Variants in IL1RAP observed in about 807,000 individuals in gnomAD.
IL1RAP encodes interleukin-1 receptor accessory protein.
In IL1RAP, 35 loss-of-function variants were observed where a neutral mutation model predicts 60.7. That is an observed-to-expected ratio of 0.58 (90% CI 0.44 to 0.76). The LOEUF is 0.76. Ranked by LOEUF, IL1RAP falls within the 30% of genes least tolerant of loss-of-function variation. The pLI is 0.00. For missense variants in IL1RAP, 572 were observed against 693.9 expected, an observed-to-expected ratio of 0.82 and a Z score of 1.97; for synonymous variants, 268 against 250.9, an observed-to-expected ratio of 1.07 and a Z score of -0.64.
At chr3:190,639,638 T>C (rs1733504437) in intron 9 of IL1RAP, among the ~76,000 whole-genome samples, 1 of 152,230 alleles carries the variant, frequency 6.6e-6, no homozygotes, top group Non-Finnish European at 1.5e-5. Flanking sequence ...TAATATAGAC[T>C]TTTTTGCTTT....
At chr3:190,543,826 G>A (rs935376725) in intron 1 of IL1RAP, among the ~76,000 whole-genome samples, 9 of 152,136 alleles carry the variant, frequency 5.9e-5, no homozygotes, top group African/African-American at 1.4e-4. Flanking sequence ...TGTCAGTGAC[G>A]GACATCAGGG....
chr3:190,582,219 A>G (rs149357612), intron 3 of IL1RAP, among the ~76,000 whole-genome samples: 34 of 151,664 alleles, frequency 2.2e-4, no homozygotes, highest in African/African-American at 7.7e-4. Context: ...TGATCAATCC[A>G]TCTTTGCTCA....
At chr3:190,552,754 T>C (rs951281091) in intron 1 of IL1RAP, among the ~76,000 whole-genome samples, 31 of 152,242 alleles carry the variant, frequency 2.0e-4, no homozygotes, top group Non-Finnish European at 4.3e-4. Context: ...CTCTCATGCA[T>C]GCATTAAAAG....
At chr3:190,641,713 C>A (rs1446260114) in intron 9 of IL1RAP, among the ~76,000 whole-genome samples, 1 of 152,090 alleles carries the variant, frequency 6.6e-6, no homozygotes, top group Admixed American at 6.6e-5. Context: ...GTACGTGCAG[C>A]CAGCAACAAC....
At chr3:190,586,020 G>T (rs1210942118) in intron 3 of IL1RAP, among the ~76,000 whole-genome samples, 1 of 151,906 alleles carries the variant, frequency 6.6e-6, no homozygotes, top group South Asian at 2.1e-4. Context: ...GCTCACATCA[G>T]CCTGGACTCC....
chr3:190,579,764 C>G (rs1409145546), intron 3 of IL1RAP, among the ~76,000 whole-genome samples: 3 of 152,148 alleles, frequency 2.0e-5, no homozygotes, highest in African/African-American at 7.2e-5. Flanking sequence ...CCCTAGGCAA[C>G]CAGTAGTCTA....
At chr3:190,634,589 T>C (rs1291500706) in intron 9 of IL1RAP, among the ~76,000 whole-genome samples, 2 of 152,198 alleles carry the variant, frequency 1.3e-5, no homozygotes, top group Non-Finnish European at 2.9e-5. Flanking sequence ...GTTATGCTGG[T>C]CTCATTACAT....
At chr3:190,522,289 GCTTCCTTCCTTCCTTCCTTCCTTC>G (rs72459878) in intron 1 of IL1RAP, among the ~76,000 whole-genome samples, 7,860 of 135,430 alleles carry the variant, frequency 0.058, 446 homozygotes, top group African/African-American at 0.14. Context: ...GCCTTCCTTT[GCTTCCTTCCTTCCTTCCTTCCTTC>G]CTTCCTTCCT....
chr3:190,575,628 C>T (rs143760983), intron 3 of IL1RAP, among the ~76,000 whole-genome samples: 4 of 152,228 alleles, frequency 2.6e-5, no homozygotes, highest in East Asian at 1.9e-4. Flanking sequence ...AAGAAACATG[C>T]GACGAAGAGG....
intron 1 of IL1RAP, among the ~76,000 whole-genome samples, chr3:190,546,379 C>T (rs975151126): frequency 6.6e-6 from 1 of 152,170 alleles, no homozygotes. Flanking sequence ...CCTCACTCCT[C>T]AGTCTAAACC....
At chr3:190,528,890 G>A (rs756871263) in intron 1 of IL1RAP, among the ~76,000 whole-genome samples, 5 of 152,178 alleles carry the variant, frequency 3.3e-5, no homozygotes, top group Non-Finnish European at 5.9e-5. Context: ...TGGTCTGACC[G>A]GGGTGAGTGA....
Position 190,541,144 on chromosome 3 carries a change from A to G in IL1RAP, c.-88-14986A>G, listed in dbSNP as rs182274290. Among the ~76,000 whole-genome samples the G allele has an allele frequency of 2.3e-3, 352 of 152,072 alleles. 1 individual carries two copies. Among genetic ancestry groups the G allele is most frequent in the African/African-American group, 7.9e-3 (328 of 41,474 alleles). ...CTGGGAGATAGGGGTGCTATCTACC[A>G]AAGTTAGGGCCCAACTCTCCCATAG... On this transcript the variant is annotated intron_variant, in intron 1 of 11. Coordinates refer to ENST00000447382, the MANE Select transcript of IL1RAP (RefSeq NM_002182.4).
exon 12 of IL1RAP, chr3:190,658,609 A>G (rs969930542): frequency 7.9e-5 from 12 of 152,222 alleles, no homozygotes; most frequent in Non-Finnish European, 2.9e-5. Context: ...CACACCTTAC[A>G]TGAGAAGTCA....
At chr3:190,655,210 G>A (rs1734574868), downstream of IL1RAP, among the ~76,000 whole-genome samples, 1 of 152,086 alleles carries the variant, frequency 6.6e-6, no homozygotes. Flanking sequence ...ACTATGTCAG[G>A]AGCATTATGT....
chr3:190,618,098 C>T, intron 5 of IL1RAP, among the ~76,000 whole-genome samples: 1 of 152,178 alleles, frequency 6.6e-6, no homozygotes, highest in Non-Finnish European at 1.5e-5. Context: ...ACGCTTTTCA[C>T]TCAGGCTGGC....
In IL1RAP at chr3:190,648,738, G is replaced by T. The variant is rs761690351; in HGVS notation, c.*33G>T. 4 of 1,563,378 alleles carry T rather than the reference G, an allele frequency of 2.6e-6. No individual in the cohort carries two copies. Among genetic ancestry groups the T allele is most frequent in the Non-Finnish European group, 3.5e-6 (4 of 1,158,646 alleles). On this transcript the variant is annotated 3_prime_UTR_variant, in exon 12 of 12. Transcript: ENST00000447382. ...AATGAAAAGGGTAAAAAGAACAAGG[G>T]GTGCTCCAGGAAGAAAGAGTCCCCC...
intron 1 of IL1RAP, among the ~76,000 whole-genome samples, chr3:190,552,839 G>A (rs1039138666): frequency 6.6e-6 from 1 of 152,100 alleles, no homozygotes; most frequent in Non-Finnish European, 1.5e-5. Context: ...GAAAAACAAG[G>A]TCCAAGAAAA....
At chr3:190,636,544 A>C (rs1461166061) in intron 9 of IL1RAP, among the ~76,000 whole-genome samples, 1 of 150,520 alleles carries the variant, frequency 6.6e-6, no homozygotes, top group African/African-American at 2.4e-5. Flanking sequence ...TAATTAATTA[A>C]TTTTTTTTTG....
intron 1 of IL1RAP, among the ~76,000 whole-genome samples, chr3:190,517,031 A>G (rs1276698893): frequency 6.6e-6 from 1 of 152,182 alleles, no homozygotes; most frequent in East Asian, 1.9e-4. Context: ...TATAAAGTTG[A>G]CCTTATTTGT....
Sources: gnomAD v4.1 joint callset for allele counts (sites outside exome capture counted in the v4.1 genomes callset) on GRCh38, gnomAD v4.1.1 for gene constraint, MANE v1.5 for transcripts, NCBI Gene and HGNC (gene_info 2026-07-23, HGNC 2026-07-21) for gene names.